The following UVSSA variants were observed in gnomAD, a reference collection of about 807,000 sequenced individuals.
The protein encoded by UVSSA is UV-stimulated scaffold protein A.
UVSSA carries 72 observed loss-of-function variants against 73.9 expected under a neutral mutation model. The ratio of observed to expected loss-of-function variants is 0.97; its 90% CI spans 0.81 to 1.19. UVSSA has a LOEUF of 1.19. Ranked by LOEUF, UVSSA falls within the 50% of genes most tolerant of loss-of-function variation. The pLI, the probability that UVSSA is intolerant of heterozygous loss-of-function variation, is 0.00. For synonymous variants in UVSSA, 454 were observed against 391.3 expected (o/e 1.16, Z -1.89); for missense variants, 1,150 against 965.0 (o/e 1.19, Z -2.54).
chr4:1,379,357 G>A (rs1577370763), intron 10 of UVSSA, among the ~76,000 whole-genome samples: 1 of 152,224 alleles, frequency 6.6e-6, no homozygotes, highest in Admixed American at 6.5e-5. Flanking sequence ...TGGGCAGGGG[G>A]TGGAGTCCTC....
rs996421348 is a variant in UVSSA at position 1,353,179 on chromosome 4, C to T, written c.700C>T (p.Gln234Ter). ...SDALRSSCAG[Q>*]VGPCRSGTPD... ...TGCCCTTCGCTCCTCCTGCGCGGGC[C>T]AGGTGGGCCCCTGCCGGTCTGGCAC... Residue 234 changes from glutamine (Q) to a stop codon, truncating the protein, a stop_gained, in exon 5 of 14, where the codon CAG (glutamine) becomes TAG (stop). Transcript: ENST00000389851. LOFTEE classifies it high-confidence loss of function. 2 of 1,612,778 alleles carry T rather than the reference C, an allele frequency of 1.2e-6. No homozygotes were observed. Among genetic ancestry groups the T allele is most frequent in the South Asian group, 1.1e-5 (1 of 91,086 alleles).
chr4:1,373,410 CA>C (rs1460138157), intron 8 of UVSSA, among the ~76,000 whole-genome samples: 3 of 152,168 alleles, frequency 2.0e-5, no homozygotes, highest in Non-Finnish European at 4.4e-5. Flanking sequence ...AGATGGTGCC[CA>C]CCAGATTAAG....
intron 8 of UVSSA, among the ~76,000 whole-genome samples, chr4:1,370,012 G>C (rs745666161): frequency 2.6e-5 from 4 of 152,144 alleles, no homozygotes; most frequent in African/African-American, 4.8e-5. Flanking sequence ...GTTTTGCTTT[G>C]AAAGTATGTC....
chr4:1,383,760 T>A lies in UVSSA; in HGVS notation c.1862-6T>A. 1 of 1,613,054 alleles carries A rather than the reference T, an allele frequency of 6.2e-7. No homozygotes were observed. Among genetic ancestry groups the A allele is most frequent in the Non-Finnish European group, 8.5e-7 (1 of 1,179,948 alleles). ...GTCTCCTGAAGTGCTTGAGTTTTGT[T>A]TGCAGAATGGCAGGACCCTGAGTTG... On this transcript the variant is annotated splice_polypyrimidine_tract_variant and splice_region_variant and intron_variant, in intron 12 of 13. Coordinates refer to ENST00000389851, the MANE Select transcript of UVSSA (RefSeq NM_020894.4).
At chr4:1,395,751 G>A (rs1347760002) in exon 14 of UVSSA, 8 of 1,614,190 alleles carry the variant, frequency 5.0e-6, no homozygotes, top group Non-Finnish European at 5.9e-6. Context: ...CCTGCCGGCC[G>A]AGTCAGACGC....
chr4:1,351,505 T>C (rs758196798), intron 3 of UVSSA, among the ~76,000 whole-genome samples: 3 of 148,814 alleles, frequency 2.0e-5, no homozygotes, highest in Non-Finnish European at 3.0e-5. Context: ...CCTGCCTCAA[T>C]CTCCCAAGTA....
At chr4:1,381,198 T>C (rs1207046928) in intron 12 of UVSSA, among the ~76,000 whole-genome samples, 1 of 152,202 alleles carries the variant, frequency 6.6e-6, no homozygotes, top group African/African-American at 2.4e-5. Context: ...GCTCCAGCTT[T>C]AGGGGGTCAC....
exon 14 of UVSSA, chr4:1,395,726 C>T (rs781037370): frequency 6.2e-6 from 10 of 1,614,136 alleles, no homozygotes; most frequent in African/African-American, 1.3e-5. Flanking sequence ...CATGGTGGTT[C>T]TGTAGGTTTC....
At chr4:1,348,333 G>A (rs1306703500) in intron 2 of UVSSA, 144 bp downstream of exon 2, 3 of 656,708 alleles carry the variant, frequency 4.6e-6, no homozygotes, top group Non-Finnish European at 7.9e-6. Flanking sequence ...GCAGTACCCG[G>A]CTCTGACGGG....
At chr4:1,364,984 C>G (rs1717124585) in intron 7 of UVSSA, among the ~76,000 whole-genome samples, 1 of 152,186 alleles carries the variant, frequency 6.6e-6, no homozygotes, top group Admixed American at 6.5e-5. Context: ...GTGCGAGCTC[C>G]CACACCCTGT....
chr4:1,360,336 C>T (rs959124274), intron 7 of UVSSA, among the ~76,000 whole-genome samples: 2 of 152,240 alleles, frequency 1.3e-5, no homozygotes, highest in Admixed American at 1.3e-4. Flanking sequence ...TACCTGTCTG[C>T]AAAACACAGG....
rs558079316 is a variant in UVSSA at position 1,353,492 on chromosome 4, C to T, written c.934+79C>T. 914 of 1,427,454 alleles carry T rather than the reference C, an allele frequency of 6.4e-4. 25 individuals are homozygous for T. In the South Asian group the frequency reaches 0.013, roughly 20 times the overall value. The allele number at this position is 1,427,454 out of a possible 1,614,324, so 88.4% of individuals were successfully genotyped here. A position where few individuals can be genotyped will look rare whatever the true frequency, so the allele number is the denominator to read the frequency against. On this transcript the variant is annotated intron_variant, in intron 5 of 13. Coordinates refer to ENST00000389851, the MANE Select transcript of UVSSA (RefSeq NM_020894.4). ...GGCTCCTCCCTCACTGGCACCCGGC[C>T]CAGGAGCCTGGGGATGCAGGGGCCT...
At position 1,385,060 on chromosome 4, in the gene UVSSA, C is replaced by T. The variant is rs538407510; in HGVS notation, c.2037-808C>T. 10 of 152,488 alleles carry T rather than the reference C, an allele frequency of 6.6e-5. 2 individuals carry two copies. The highest frequency in any genetic ancestry group is 3.9e-4 in the East Asian group (2 of 5,190). The allele number at this position is 152,488 out of a possible 1,614,324, so 9.4% of individuals were successfully genotyped here. A position where few individuals can be genotyped will look rare whatever the true frequency, so the allele number is the denominator to read the frequency against. ...TGGATCAGCCAGGGGCAGAGGCCAG[C>T]CTTGGTGCTGATGCCCAGGAGGAGG... On this transcript the variant is annotated intron_variant, in intron 13 of 13. Coordinates refer to ENST00000389851, the MANE Select transcript of UVSSA (RefSeq NM_020894.4).
In UVSSA at chr4:1,383,953, G is replaced by C; in HGVS notation, c.2036+13G>C. On this transcript the variant is annotated intron_variant, in intron 13 of 13. Transcript: ENST00000389851. The stretch of plus-strand genomic sequence containing the variant: ...AAGTCTTCGCCAAGTAAGAGTGGCT[G>C]CTGGGTCACCTCCCACCGCGTGGCC... The C allele has an allele frequency of 6.2e-7, 1 of 1,605,658 alleles. No homozygotes were observed. The highest frequency in any genetic ancestry group is 8.5e-7 in the Non-Finnish European group (1 of 1,176,622).
intron 3 of UVSSA, among the ~76,000 whole-genome samples, chr4:1,350,636 T>C (rs1329961682): frequency 6.6e-6 from 1 of 152,216 alleles, no homozygotes; most frequent in African/African-American, 2.4e-5. Flanking sequence ...TTTGTTGTAA[T>C]GCACTGTGAA....
At chr4:1,379,325 C>T (rs899527512) in intron 10 of UVSSA, among the ~76,000 whole-genome samples, 3 of 152,234 alleles carry the variant, frequency 2.0e-5, no homozygotes, top group African/African-American at 7.2e-5. Flanking sequence ...TCAGACACTT[C>T]TCCCCTGCCT....
chr4:1,387,524 A>T lies in UVSSA; in HGVS notation c.*1563A>T, dbSNP rs1720225037. 1 of 152,186 alleles carries T rather than the reference A, an allele frequency of 6.6e-6. No individual in the cohort carries two copies. The allele number at this position is 152,186 out of a possible 1,614,324, so 9.4% of individuals were successfully genotyped here. ...TTGCTGTCACATTTCAGAAGCCATC[A>T]CCTAATCCAAGATCACAGAGATTTA... On this transcript the variant is annotated 3_prime_UTR_variant, in exon 14 of 14. Transcript: ENST00000389851.
chr4:1,364,291 G>A (rs578153367), intron 7 of UVSSA, among the ~76,000 whole-genome samples: 1 of 138,350 alleles, frequency 7.2e-6, no homozygotes, highest in South Asian at 2.4e-4. Flanking sequence ...GCTGGTGCCC[G>A]GGCCCCGTGG....
chr4:1,395,885 T>G, exon 14 of UVSSA: 1 of 1,597,264 alleles, frequency 6.3e-7, no homozygotes, highest in Non-Finnish European at 8.5e-7. Flanking sequence ...GAGGAGAGGG[T>G]GTTTTTGTAA....
Sources: allele counts gnomAD v4.1 joint callset (sites outside exome capture counted in the v4.1 genomes callset), GRCh38; gene constraint gnomAD v4.1.1; transcripts MANE v1.5; gene names NCBI Gene and HGNC (gene_info 2026-07-23, HGNC 2026-07-21).